Variants in WFS1 observed in about 807,000 individuals in gnomAD.
WFS1 encodes the protein wolframin ER transmembrane glycoprotein.
WFS1 carries 90 observed loss-of-function variants against 68.5 expected under a neutral mutation model. The ratio of observed to expected loss-of-function variants is 1.31; its 90% CI spans 1.11 to 1.56. The LOEUF is 1.56. WFS1 is among the 40% of genes most tolerant of loss of function. WFS1 has a pLI of 0.00. For missense variants in WFS1, 1,767 were observed against 1,232.6 expected (o/e 1.43, Z -6.49); for synonymous variants, 860 against 540.7 (o/e 1.59, Z -8.19).
At chr4:6,288,376 A>T in intron 3 of WFS1, 1 of 157,844 alleles carries the variant, frequency 6.3e-6, no homozygotes, top group Non-Finnish European at 1.4e-5. Context: ...CCATCTGTAG[A>T]ATGAGAAGAC....
chr4:6,300,514 A>AC (rs1730839498), intron 7 of WFS1, 143 bp from the exon 8 acceptor site: 1 of 1,269,260 alleles, frequency 7.9e-7, no homozygotes, highest in African/African-American at 1.5e-5. Flanking sequence ...GGGAGGGAGG[A>AC]CCACTAGGAT....
chr4:6,298,381 C>G (rs1322511326), intron 7 of WFS1, among the ~76,000 whole-genome samples: 2 of 152,246 alleles, frequency 1.3e-5, no homozygotes, highest in Non-Finnish European at 1.5e-5. Flanking sequence ...AGTGCCTGGT[C>G]TTCCCTGGCC....
chr4:6,285,994 A>G (rs1392322861), intron 2 of WFS1, among the ~76,000 whole-genome samples: 1 of 152,222 alleles, frequency 6.6e-6, no homozygotes. Context: ...AACCTGTGCT[A>G]GGAAAATGAC....
Position 6,301,719 on chromosome 4 carries a change from G to A in WFS1, c.1924G>A (p.Ala642Thr). ...CAAGCTCATCCTGGTGTGGCTCACG[G>A]CCATCGTGCTGTTCTGCTGGTTCTA... ...MVKLILVWLT[A>T]IVLFCWFYVY... Residue 642 changes from alanine to threonine, a missense_variant, in exon 8 of 8, where the codon GCC (alanine) becomes ACC (threonine). Physicochemically the swap from Ala to Thr is moderately conservative, Grantham distance 58. Coordinates refer to ENST00000226760, the MANE Select transcript of WFS1 (RefSeq NM_006005.3). 2 of 1,614,036 alleles carry A rather than the reference G, an allele frequency of 1.2e-6. No individual in the cohort carries two copies. The highest frequency in any genetic ancestry group is 1.7e-6 in the Non-Finnish European group (2 of 1,180,046).
At chr4:6,296,127 A>G (rs1268621488) in intron 7 of WFS1, among the ~76,000 whole-genome samples, 1 of 152,164 alleles carries the variant, frequency 6.6e-6, no homozygotes, top group East Asian at 1.9e-4. Flanking sequence ...GGACCAGGAG[A>G]TGGTTGGGCC....
rs766169444 is a variant in WFS1, at chr4:6,300,901, A to T, written c.1106A>T (p.Lys369Met). Residue 369 changes from lysine (K) to methionine (M), a missense_variant, in exon 8 of 8, where the codon AAG (lysine) becomes ATG (methionine). Transcript: ENST00000226760. ...ACCCTCAAGGTGTTCCAGGACAGCA[A>T]GGCCTGGGAGAACTTCCGCACCCTC... ...ICTLKVFQDS[K>M]AWENFRTLTD... The T allele has an allele frequency of 6.2e-7, 1 of 1,613,978 alleles. No homozygotes were observed. Among genetic ancestry groups the T allele is most frequent in the Non-Finnish European group, 8.5e-7 (1 of 1,180,020 alleles).
chr4:6,295,715 A>G (rs1730620708), intron 7 of WFS1, among the ~76,000 whole-genome samples: 1 of 152,234 alleles, frequency 6.6e-6, no homozygotes, highest in Admixed American at 6.5e-5. Context: ...GCAGGGTGCC[A>G]TTGGGCACAC....
chr4:6,275,083 A>G (rs1205186832), intron 1 of WFS1, among the ~76,000 whole-genome samples: 1 of 152,192 alleles, frequency 6.6e-6, no homozygotes, highest in Non-Finnish European at 1.5e-5. Flanking sequence ...ACTCACGACA[A>G]TAGGACCTAC....
chr4:6,274,500 G>A (rs894182290), intron 1 of WFS1, among the ~76,000 whole-genome samples: 1 of 152,108 alleles, frequency 6.6e-6, no homozygotes, highest in Non-Finnish European at 1.5e-5. Context: ...GGTAACCGAC[G>A]CCCCACACCA....
At position 6,301,988 on chromosome 4, in the gene WFS1, G is replaced by A; in HGVS notation, c.2193G>A (p.Met731Ile). The change falls in exon 8 of 8, where the codon ATG (methionine) becomes ATA (isoleucine). Residue 731 changes from methionine (M) to isoleucine (I), a missense_variant. By Grantham distance (10) the Met-to-Ile change is conservative. Transcript: ENST00000226760. ...TCCCGTTCTTCATCGGCGACTGGAT[G>A]CGCTGCCTCTACGGCGAGGCCTACC... ...NMLPFFIGDW[M>I]RCLYGEAYPA... The A allele has an allele frequency of 6.2e-7, 1 of 1,612,722 alleles. No individual in the cohort carries two copies. Among genetic ancestry groups the A allele is most frequent in the Non-Finnish European group, 8.5e-7 (1 of 1,179,930 alleles).
chr4:6,274,237 C>T (rs368836678), intron 1 of WFS1, among the ~76,000 whole-genome samples: 24 of 151,958 alleles, frequency 1.6e-4, no homozygotes, highest in South Asian at 4.2e-4. Flanking sequence ...TTAATAGAGA[C>T]GGGGTTTCAC....
intron 2 of WFS1, among the ~76,000 whole-genome samples, chr4:6,282,839 G>T (rs899877786): frequency 9.9e-5 from 15 of 152,230 alleles, no homozygotes; most frequent in South Asian, 2.1e-4. Flanking sequence ...CAGCTGCTCA[G>T]CCAGGGAGGT....
rs1730968086 is a variant in WFS1, at chr4:6,302,273, C to G, written c.2478C>G (p.Ser826Arg). The change falls in exon 8 of 8, where the codon AGC (serine) becomes AGG (arginine). Residue 826 changes from serine (S) to arginine (R), a missense_variant. Coordinates refer to ENST00000226760, the MANE Select transcript of WFS1 (RefSeq NM_006005.3). ...GCCAGGGCAGCCTCATCGAGTTCAG[C>G]ACCATCCTGGAGGGCCGCCTGGGCA... ...SLRQGSLIEF[S>R]TILEGRLGSK... is the part of the protein sequence containing the mutation. The G allele has an allele frequency of 6.2e-7, 1 of 1,606,002 alleles. No homozygotes were observed. The highest frequency in any genetic ancestry group is 8.5e-7 in the Non-Finnish European group (1 of 1,174,982).
chr4:6,291,037 C>T (rs142249372), intron 4 of WFS1, among the ~76,000 whole-genome samples, 160 bp from the exon 5 acceptor site: 143 of 65,082 alleles, frequency 2.2e-3, no homozygotes, highest in Non-Finnish European at 3.8e-3. Context: ...GCGCGATGTC[C>T]TCTTGAGTCA....
At chr4:6,285,824 T>G (rs758280435) in intron 2 of WFS1, among the ~76,000 whole-genome samples, 5 of 152,092 alleles carry the variant, frequency 3.3e-5, no homozygotes, top group Non-Finnish European at 7.4e-5. Context: ...CAGTGTGGTG[T>G]TACTGGGAAC....
At position 6,298,397 on chromosome 4, in the gene WFS1, C is replaced by T. The variant is rs142320245; in HGVS notation, c.862-2260C>T. On this transcript the variant is annotated intron_variant, in intron 7 of 7. Coordinates refer to ENST00000226760, the MANE Select transcript of WFS1 (RefSeq NM_006005.3). ...GTGCCTGGTCTTCCCTGGCCATCTC[C>T]TGGCAGTGTGAGCGCCTCTCTGCTC... Among the ~76,000 whole-genome samples, 575 of 152,394 alleles carry T rather than the reference C, an allele frequency of 3.8e-3. 3 individuals are homozygous for T. Among genetic ancestry groups the T allele is most frequent in the African/African-American group, 0.013 (536 of 41,598 alleles).
At position 6,283,640 on chromosome 4, in the gene WFS1, C is replaced by G. The variant is rs1281253325; in HGVS notation, c.233-3453C>G. On this transcript the variant is annotated intron_variant, in intron 2 of 7. Coordinates refer to ENST00000226760, the MANE Select transcript of WFS1 (RefSeq NM_006005.3). This position sits in a 1 kb window ranked among gnomAD's most constrained non-coding sequence, Gnocchi z 5.0. ...GGTGAAAGCCCATTTCCCAGCAGTT[C>G]TAGCACAAACTCCGCTGGGCTGTGT... Among the ~76,000 whole-genome samples, 1 of 152,222 alleles carries G rather than the reference C, an allele frequency of 6.6e-6. No homozygotes were observed. Among genetic ancestry groups the G allele is most frequent in the Non-Finnish European group, 1.5e-5 (1 of 68,044 alleles).
Position 6,300,728 on chromosome 4 carries a change from C to T in WFS1, c.933C>T (p.Gly311=), listed in dbSNP as rs761279779. 63 of 1,613,978 alleles carry T rather than the reference C, an allele frequency of 3.9e-5. 1 individual carries two copies. The highest frequency in any genetic ancestry group is 4.7e-5 in the Non-Finnish European group (56 of 1,180,008). ...EYLIDMASRA[G]MHWLSTIIPT... ...TGATTGACATGGCCTCCAGGGCAGG[C>T]ATGCACTGGCTGTCCACCATCATCC... Residue 311 remains glycine (G), a synonymous_variant, in exon 8 of 8, where the codon GGC becomes GGT. Transcript: ENST00000226760.
At position 6,273,550 on chromosome 4, in the gene WFS1, A is replaced by G. The variant is rs73072832; in HGVS notation, c.-6+3536A>G. ...ATTGCCTGGATGGTGCTCCTGCCCT[A>G]GGCCAGGCTGCCTCAGGCTTCTGCC... is the stretch of plus-strand genomic sequence containing the variant. On this transcript the variant is annotated intron_variant, in intron 1 of 7. Transcript: ENST00000226760. Among the ~76,000 whole-genome samples the G allele has an allele frequency of 9.4e-3, 1,063 of 112,806 alleles. 12 individuals are homozygous for G. Among genetic ancestry groups the G allele is most frequent in the African/African-American group, 0.033 (1,023 of 31,210 alleles). 74.0% of individuals were successfully genotyped at this position (112,806 alleles called of 152,430 possible). A position where few individuals can be genotyped will look rare whatever the true frequency, so the allele number is the denominator to read the frequency against.
Sources: allele counts gnomAD v4.1 joint callset (sites outside exome capture counted in the v4.1 genomes callset), GRCh38; gene constraint gnomAD v4.1.1; non-coding constraint Gnocchi (gnomAD v3.1); transcripts MANE v1.5; gene names NCBI Gene and HGNC (gene_info 2026-07-23, HGNC 2026-07-21).